CACNA2D1: variants seen among roughly 807,000 people sequenced by gnomAD.
The protein encoded by CACNA2D1 is calcium voltage-gated channel auxiliary subunit alpha2delta 1.
In CACNA2D1, 53 loss-of-function variants were observed where a neutral mutation model predicts 171.5. The ratio of observed to expected loss-of-function variants is 0.31; its 90% CI spans 0.25 to 0.39. CACNA2D1 has a LOEUF of 0.39. Ranked by LOEUF, CACNA2D1 falls within the 10% of genes least tolerant of loss-of-function variation. The probability of loss-of-function intolerance (pLI) is 1.00; values close to 1 mark genes in which losing one functional copy is unlikely to be tolerated. For synonymous variants in CACNA2D1, 442 were observed against 443.1 expected, an observed-to-expected ratio of 1.00 and a Z score of 0.03; for missense variants, 903 against 1,299.8, an observed-to-expected ratio of 0.69 and a Z score of 4.69.
In CACNA2D1 at chr7:82,175,482, T is replaced by C. The variant is rs116144809; in HGVS notation, c.295-4873A>G. On this transcript the variant is annotated intron_variant, in intron 3 of 38. Coordinates refer to ENST00000356860, the MANE Select transcript of CACNA2D1 (RefSeq NM_000722.4). The stretch of plus-strand genomic sequence containing the variant: ...TATGTTGACAATTCAATTATCACTC[T>C]AGGAGTTTCACCTACTATCTTCATC... Among the ~76,000 whole-genome samples, 736 of 152,194 alleles carry C rather than the reference T, an allele frequency of 4.8e-3. 7 individuals are homozygous for C. Among genetic ancestry groups the C allele is most frequent in the African/African-American group, 0.017 (706 of 41,576 alleles).
At chr7:82,002,021 CAAAAAAAA>C (rs35861959) in intron 18 of CACNA2D1, among the ~76,000 whole-genome samples, 28 of 89,438 alleles carry the variant, frequency 3.1e-4, no homozygotes, top group Admixed American at 6.6e-4. Flanking sequence ...ATTGATTTGA[CAAAAAAAA>C]AAAAAAAAAA....
intron 1 of CACNA2D1, among the ~76,000 whole-genome samples, chr7:82,375,490 C>T (rs1339521711): frequency 1.3e-5 from 2 of 152,004 alleles, no homozygotes; most frequent in African/African-American, 4.8e-5. Context: ...CCAGTTCTAA[C>T]CTCTTCTCAT....
intron 19 of CACNA2D1, among the ~76,000 whole-genome samples, chr7:81,995,516 C>T (rs1254898485): frequency 3.3e-5 from 5 of 152,178 alleles, no homozygotes; most frequent in South Asian, 4.1e-4. Context: ...TATGCAAGGT[C>T]GGCCAGGTGC....
chr7:82,341,836 A>G (rs1168253038), intron 2 of CACNA2D1, among the ~76,000 whole-genome samples: 1 of 151,912 alleles, frequency 6.6e-6, no homozygotes, highest in Non-Finnish European at 1.5e-5. Context: ...TCACGAGGTC[A>G]GGAGATCCAG....
At chr7:82,089,347 T>C (rs1810859442) in intron 6 of CACNA2D1, among the ~76,000 whole-genome samples, 1 of 152,184 alleles carries the variant, frequency 6.6e-6, no homozygotes, top group Admixed American at 6.5e-5. Flanking sequence ...TAAAATTAGT[T>C]CTCATTTTCT....
chr7:81,962,267 A>C (rs1794226501), intron 35 of CACNA2D1, among the ~76,000 whole-genome samples, 173 bp downstream of exon 35: 1 of 151,936 alleles, frequency 6.6e-6, no homozygotes, highest in Admixed American at 6.6e-5. Context: ...GACCTAGGTA[A>C]TTTCTAAAAC....
intron 3 of CACNA2D1, among the ~76,000 whole-genome samples, chr7:82,301,950 G>A (rs1305088634): frequency 6.6e-6 from 1 of 151,944 alleles, no homozygotes; most frequent in Non-Finnish European, 1.5e-5. Flanking sequence ...AGTAGAGATG[G>A]GGTTTCACCA....
intron 3 of CACNA2D1, among the ~76,000 whole-genome samples, chr7:82,302,108 T>C (rs763800592): frequency 2.6e-5 from 4 of 152,150 alleles, no homozygotes; most frequent in Non-Finnish European, 5.9e-5. Flanking sequence ...CTTTCCTAAA[T>C]AATGTTCCAT....
intron 7 of CACNA2D1, among the ~76,000 whole-genome samples, chr7:82,073,437 C>T (rs1192798878): frequency 1.3e-5 from 2 of 152,060 alleles, no homozygotes; most frequent in Non-Finnish European, 2.9e-5. Context: ...TTTCTCACTG[C>T]ATAGATTGAA....
rs762644552 is a variant in CACNA2D1 at position 81,969,882 on chromosome 7, G to C, written c.2307C>G (p.Asn769Lys). The C allele has an allele frequency of 6.5e-7, 1 of 1,539,520 alleles. No homozygotes were observed. Among genetic ancestry groups the C allele is most frequent in the South Asian group, 1.1e-5 (1 of 89,558 alleles). Residue 769 changes from asparagine to lysine, a missense_variant and splice_region_variant, in exon 28 of 39, where the codon AAC (asparagine) becomes AAG (lysine). Physicochemically the swap from Asn to Lys is moderately conservative, Grantham distance 94 (BLOSUM62 0). Around this residue, in one of 5 missense-constraint regions of CACNA2D1, gnomAD observed 623 missense variants for 925.5 expected, o/e 0.67. Coordinates refer to ENST00000356860, the MANE Select transcript of CACNA2D1 (RefSeq NM_000722.4). ...GCTGAATTCCAAAGCAATACTTACT[G>C]TTAAAGTAGGGAGCAGTGAAAACAT... ...DNYVFTAPYF[N>K]KSGPGAYESG...
At chr7:82,088,028 T>C (rs1228466776) in intron 6 of CACNA2D1, among the ~76,000 whole-genome samples, 4 of 152,174 alleles carry the variant, frequency 2.6e-5, no homozygotes, top group Non-Finnish European at 5.9e-5. Context: ...TTAGCCCCTA[T>C]CTCTGTTTCT....
At chr7:82,105,132 C>G (rs1489381763) in intron 6 of CACNA2D1, among the ~76,000 whole-genome samples, 1 of 151,934 alleles carries the variant, frequency 6.6e-6, no homozygotes, top group Admixed American at 6.6e-5. Context: ...AAAACTGTTA[C>G]TGAAGGTAAT....
chr7:82,042,747 T>G (rs1284317357), intron 10 of CACNA2D1, among the ~76,000 whole-genome samples: 7 of 152,100 alleles, frequency 4.6e-5, no homozygotes, highest in Admixed American at 4.6e-4. Context: ...TCCCACTATA[T>G]GTACTGTTCC....
intron 1 of CACNA2D1, among the ~76,000 whole-genome samples, chr7:82,433,979 G>T (rs980046582): frequency 9.2e-5 from 14 of 152,184 alleles, no homozygotes; most frequent in Admixed American, 6.5e-4. Context: ...TCTTCTTTGG[G>T]AGGTTATCTT....
chr7:82,058,263 A>G (rs1806184843), intron 10 of CACNA2D1, among the ~76,000 whole-genome samples: 1 of 152,168 alleles, frequency 6.6e-6, no homozygotes, highest in South Asian at 2.1e-4. Flanking sequence ...ATCACCTCCC[A>G]AATACACTAT....
At chr7:82,184,944 A>G (rs9649646) in intron 3 of CACNA2D1, among the ~76,000 whole-genome samples, 131,042 of 152,110 alleles carry the variant, frequency 0.86, 56,756 homozygotes, top group Admixed American at 0.91. Flanking sequence ...CCATTTTACA[A>G]AGGAGTAAAC....
intron 2 of CACNA2D1, among the ~76,000 whole-genome samples, chr7:82,336,144 C>A (rs1254527240): frequency 6.6e-6 from 1 of 152,130 alleles, no homozygotes; most frequent in Non-Finnish European, 1.5e-5. Context: ...CAGGACCTGG[C>A]AGGTTTTTAC....
Position 81,949,249 on chromosome 7 carries a change from G to A in CACNA2D1, c.*1143C>T, listed in dbSNP as rs921032454. On this transcript the variant is annotated 3_prime_UTR_variant, in exon 39 of 39. Coordinates refer to ENST00000356860, the MANE Select transcript of CACNA2D1 (RefSeq NM_000722.4). ...AATATCTGTACATAGGTTATCAGGC[G>A]AAAGCATGAATCTGTATAAAATTCA... 2.0e-5 allele frequency: 3 copies of A among 152,026 alleles called. No individual in the cohort carries two copies. Among genetic ancestry groups the A allele is most frequent in the Non-Finnish European group, 4.4e-5 (3 of 67,950 alleles). 9.4% of individuals were successfully genotyped at this position (152,026 alleles called of 1,614,324 possible).
At chr7:82,437,134 C>T (rs1830169224) in intron 1 of CACNA2D1, among the ~76,000 whole-genome samples, 1 of 152,094 alleles carries the variant, frequency 6.6e-6, no homozygotes, top group Non-Finnish European at 1.5e-5. Context: ...AAATTGAGGT[C>T]TGATCATGGG....
Sources: gnomAD v4.1 joint callset for allele counts (sites outside exome capture counted in the v4.1 genomes callset) on GRCh38, gnomAD v4.1.1 for gene constraint, gnomAD v4.1.1 regional missense constraint, MANE v1.5 for transcripts, NCBI Gene and HGNC (gene_info 2026-07-23, HGNC 2026-07-21) for gene names.